Variants in SEC31B observed in about 807,000 individuals in gnomAD.
The protein encoded by SEC31B is protein transport protein Sec31B.
Under a neutral mutation model 135.0 loss-of-function variants are expected in SEC31B, and 113 were observed. The ratio of observed to expected loss-of-function variants is 0.84; its 90% CI spans 0.72 to 0.98. The LOEUF is 0.98. Ranked by LOEUF, SEC31B falls within the 50% of genes least tolerant of loss-of-function variation. SEC31B has a pLI of 0.00. For synonymous variants in SEC31B, 508 were observed against 549.4 expected (o/e 0.92, Z 1.05); for missense variants, 1,296 against 1,421.1 (o/e 0.91, Z 1.42).
Position 100,509,351 on chromosome 10 carries a change from C to T in SEC31B, c.364G>A (p.Gly122Arg). Residue 122 changes from glycine (G) to arginine (R), a missense_variant, in exon 4 of 26, where the codon GGG becomes AGG. Gly to Arg is a moderately radical substitution (Grantham distance 125, BLOSUM62 -2). Coordinates refer to ENST00000370345, the MANE Select transcript of SEC31B (RefSeq NM_015490.4). ...TTCAAGTCGAGGGCTCTGACAGCCC[C>T]CGTGTGCTTCTGTTTCTGAGCAATC... ...PVIAQKQKHT[G>R]AVRALDLNPF... The T allele has an allele frequency of 1.9e-6, 3 of 1,614,010 alleles. No homozygotes were observed. Among genetic ancestry groups the T allele is most frequent in the Non-Finnish European group, 2.5e-6 (3 of 1,180,026 alleles).
At chr10:100,510,147 A>G (rs1368607992) in intron 3 of SEC31B, among the ~76,000 whole-genome samples, 6 of 152,248 alleles carry the variant, frequency 3.9e-5, no homozygotes, top group Non-Finnish European at 7.3e-5. Flanking sequence ...AGCTCTTAAC[A>G]TCATAAAATA....
At chr10:100,490,435 T>C (rs1851280529) in intron 20 of SEC31B, 113 bp from the exon 21 acceptor site, 1 of 1,121,184 alleles carries the variant, frequency 8.9e-7, no homozygotes, top group Non-Finnish European at 1.2e-6. Flanking sequence ...GATTAATACA[T>C]GTATATGGAA....
At chr10:100,513,656 G>T (rs1315873051) in intron 3 of SEC31B, among the ~76,000 whole-genome samples, 4 of 151,624 alleles carry the variant, frequency 2.6e-5, no homozygotes, top group African/African-American at 9.7e-5. Context: ...TTTTAGTAGA[G>T]ACGGGGTTTC....
chr10:100,517,241 C>A (rs1234918701), intron 1 of SEC31B, among the ~76,000 whole-genome samples: 1 of 152,210 alleles, frequency 6.6e-6, no homozygotes, highest in African/African-American at 2.4e-5. Flanking sequence ...ACCATCAAAC[C>A]AGACAATCTC....
chr10:100,492,247 A>G (rs1438877594), intron 19 of SEC31B, among the ~76,000 whole-genome samples: 2 of 152,184 alleles, frequency 1.3e-5, no homozygotes, highest in South Asian at 4.1e-4. Context: ...TTTTTGAGAC[A>G]GAGTTTCGCT....
intron 2 of SEC31B, 51 bp downstream of exon 2, chr10:100,516,823 C>T: frequency 7.7e-6 from 10 of 1,300,966 alleles, no homozygotes; most frequent in Non-Finnish European, 1.1e-5. Flanking sequence ...TACTAAGTTT[C>T]CCCTCAACTT....
chr10:100,509,410 A>ACATTGTATAGAATAAGCATGC lies in SEC31B; in HGVS notation c.284_304dup (p.Gly95_Asn101dup). On this transcript the variant is annotated inframe_insertion, in exon 4 of 26. Transcript: ENST00000370345. ...CTTCCCCGAAGACAGGATGTGGGTC[A>ACATTGTATAGAATAAGCATGC]CATTGTATAGAATAAGCATGCCATT... is the stretch of plus-strand genomic sequence containing the variant. 1.2e-6 allele frequency: 2 copies of ACATTGTATAGAATAAGCATGC among 1,614,180 alleles called. No homozygotes were observed. The highest frequency in any genetic ancestry group is 2.2e-5 in the South Asian group (2 of 91,080).
At chr10:100,492,058 T>C (rs1349453358) in intron 19 of SEC31B, among the ~76,000 whole-genome samples, 1 of 152,220 alleles carries the variant, frequency 6.6e-6, no homozygotes, top group African/African-American at 2.4e-5. Flanking sequence ...TGTGGTATTC[T>C]GTTATAGTGG....
chr10:100,508,267 G>C (rs576995933), intron 5 of SEC31B, among the ~76,000 whole-genome samples: 1 of 152,234 alleles, frequency 6.6e-6, no homozygotes, highest in Admixed American at 6.5e-5. Flanking sequence ...GCACATCTAA[G>C]TTTTACTCCT....
In SEC31B at chr10:100,499,140, T is replaced by C; in HGVS notation, c.1584+20A>G. The C allele has an allele frequency of 6.2e-7, 1 of 1,605,416 alleles. No individual in the cohort carries two copies. Among genetic ancestry groups the C allele is most frequent in the Non-Finnish European group, 8.5e-7 (1 of 1,172,326 alleles). On this transcript the variant is annotated intron_variant, in intron 13 of 25. Transcript: ENST00000370345. The stretch of plus-strand genomic sequence containing the variant: ...TTTCCTGTGTTACCATAGGTCAGGC[T>C]GACTGGACTCCTACCACACCTGGCT...
rs1244794429 is a variant in SEC31B, at chr10:100,490,111, G to C, written c.2862C>G (p.Thr954=). 1.3e-6 allele frequency: 2 copies of C among 1,588,034 alleles called. No homozygotes were observed. Among genetic ancestry groups the C allele is most frequent in the Middle Eastern group, 1.7e-4 (1 of 5,920 alleles). ...CAGGGAAGCTTGCAGGAGGGGCTGG[G>C]GTGTGGGAGACCATGCGGCCGGGAC... ...PLGPGRMVSH[T]PAPPASFPVP... The change falls in exon 21 of 26, where the codon ACC becomes ACG. Residue 954 remains threonine, a synonymous_variant. Coordinates refer to ENST00000370345, the MANE Select transcript of SEC31B (RefSeq NM_015490.4).
In SEC31B at chr10:100,487,585, AGTG is replaced by A. The variant is rs1426772720; in HGVS notation, c.*28_*30del. On this transcript the variant is annotated 3_prime_UTR_variant, in exon 26 of 26. Coordinates refer to ENST00000370345, the MANE Select transcript of SEC31B (RefSeq NM_015490.4). ...CAGGGAGGAGTTATGTAACAGCAGA[AGTG>A]GCCTCCTAGCAAGAGAGGCTGCCTG... 1 of 1,593,730 alleles carries A rather than the reference AGTG, an allele frequency of 6.3e-7. No homozygotes were observed. Among genetic ancestry groups the A allele is most frequent in the African/African-American group, 1.3e-5 (1 of 74,508 alleles).
At chr10:100,505,750 A>C (rs1851618175) in intron 9 of SEC31B, 1 of 1,412,272 alleles carries the variant, frequency 7.1e-7, no homozygotes, top group African/African-American at 1.4e-5. Flanking sequence ...GAAGAGAGAA[A>C]GATAAGAGTC....
Position 100,495,532 on chromosome 10 carries a change from C to T in SEC31B, c.2325G>A (p.Gln775=). 6.2e-7 allele frequency: 1 copy of T among 1,613,382 alleles called. No homozygotes were observed. The highest frequency in any genetic ancestry group is 8.5e-7 in the Non-Finnish European group (1 of 1,179,794). The change falls in exon 19 of 26, where the codon CAG becomes CAA. Residue 775 remains glutamine, a synonymous_variant. Transcript: ENST00000370345. ...PRDCAQPPVQ[Q]LRDRLFHAQG... ...GAGCATGAAAAAGCCGATCTCTTAG[C>T]TGCTGAACTGGTGGCTATAAGTTTT... is the stretch of plus-strand genomic sequence containing the variant.
intron 5 of SEC31B, chr10:100,508,709 T>C: frequency 2.1e-6 from 1 of 465,978 alleles, no homozygotes; most frequent in Admixed American, 3.4e-5. Context: ...AGCTCTACTG[T>C]GATAAACAGC....
At chr10:100,512,384 C>A (rs1027241612) in intron 3 of SEC31B, among the ~76,000 whole-genome samples, 1 of 152,196 alleles carries the variant, frequency 6.6e-6, no homozygotes, top group Non-Finnish European at 1.5e-5. Context: ...CTCCCAGAAA[C>A]CTTTCTTTTT....
rs201779443 is a variant in SEC31B, at chr10:100,487,705, C to T, written c.3451G>A (p.Val1151Met). Residue 1151 changes from valine (V) to methionine (M), a missense_variant, in exon 26 of 26, where the codon GTG becomes ATG. Transcript: ENST00000370345. ...TCGCTGAAGCTGCTACAGCCCGCCA[C>T]CTGGGCATGCACTGCAAGGCCCTGC... The part of the protein sequence containing the change: ...FEQGLAVHAQ[V>M]AGCSSFSEVS... 3.3e-5 allele frequency: 54 copies of T among 1,613,960 alleles called. No homozygotes were observed. Among genetic ancestry groups the T allele is most frequent in the Non-Finnish European group, 4.2e-5 (50 of 1,179,950 alleles).
At chr10:100,519,162 G>T (rs558794274) in intron 1 of SEC31B, among the ~76,000 whole-genome samples, 120 of 152,186 alleles carry the variant, frequency 7.9e-4, no homozygotes, top group Non-Finnish European at 1.5e-3. Context: ...TGTACTAGTC[G>T]CAAGTAAACC....
intron 4 of SEC31B, 103 bp from the exon 5 acceptor site, chr10:100,509,205 A>G (rs1851691816): frequency 2.0e-6 from 3 of 1,496,522 alleles, no homozygotes; most frequent in African/African-American, 2.8e-5. Flanking sequence ...GCCTCCCCTG[A>G]AACAGCCTGG....
Sources: allele counts gnomAD v4.1 joint callset (sites outside exome capture counted in the v4.1 genomes callset), GRCh38; gene constraint gnomAD v4.1.1; transcripts MANE v1.5; gene names NCBI Gene and HGNC (gene_info 2026-07-23, HGNC 2026-07-21).